Variants in SLC39A11 observed in about 807,000 individuals in gnomAD.
SLC39A11 encodes solute carrier family 39 member 11, also known as zinc transporter ZIP11.
SLC39A11 carries 33 observed loss-of-function variants against 36.1 expected under a neutral mutation model. That is an observed-to-expected ratio of 0.91 (90% CI 0.69 to 1.22). The LOEUF is 1.22. SLC39A11 is among the 50% of genes most tolerant of loss of function. The pLI is 0.00. For missense variants in SLC39A11, 432 were observed against 430.3 expected, an observed-to-expected ratio of 1.00 and a Z score of -0.03; for synonymous variants, 166 against 170.3, an observed-to-expected ratio of 0.97 and a Z score of 0.20.
chr17:72,869,569 T>C (rs1367939765), intron 5 of SLC39A11, among the ~76,000 whole-genome samples: 4 of 152,090 alleles, frequency 2.6e-5, no homozygotes, highest in African/African-American at 9.7e-5. Flanking sequence ...TTTGTATTTT[T>C]AGTAGAGACC....
At chr17:72,889,275 G>A (rs1459375000) in intron 5 of SLC39A11, among the ~76,000 whole-genome samples, 1 of 152,128 alleles carries the variant, frequency 6.6e-6, no homozygotes, top group Non-Finnish European at 1.5e-5. Context: ...AGCACTTTGG[G>A]AGGCCAAGGC....
At chr17:73,083,321 G>A (rs1050536676) in intron 3 of SLC39A11, among the ~76,000 whole-genome samples, 3 of 152,208 alleles carry the variant, frequency 2.0e-5, no homozygotes, top group Non-Finnish European at 4.4e-5. Context: ...CTGTGCACCT[G>A]TGTATGGCTC....
intron 3 of SLC39A11, among the ~76,000 whole-genome samples, chr17:73,075,883 T>C (rs1235348881): frequency 6.6e-6 from 1 of 152,138 alleles, no homozygotes; most frequent in African/African-American, 2.4e-5. Flanking sequence ...CACCATGTGA[T>C]ACTGAATTTA....
At chr17:72,852,381 G>A (rs2079396528) in intron 5 of SLC39A11, among the ~76,000 whole-genome samples, 1 of 151,944 alleles carries the variant, frequency 6.6e-6, no homozygotes, top group Non-Finnish European at 1.5e-5. Flanking sequence ...GTTCCATTAG[G>A]AAAAGGGGGG....
At chr17:72,692,194 G>A (rs759395021) in intron 7 of SLC39A11, among the ~76,000 whole-genome samples, 3 of 151,908 alleles carry the variant, frequency 2.0e-5, no homozygotes, top group Non-Finnish European at 2.9e-5. Flanking sequence ...TGTATTTTTA[G>A]TAGAGACAGG....
At chr17:72,890,209 G>T (rs1463590975) in intron 5 of SLC39A11, among the ~76,000 whole-genome samples, 1 of 151,590 alleles carries the variant, frequency 6.6e-6, no homozygotes, top group African/African-American at 2.4e-5. Context: ...AGGTTACAGT[G>T]AGCCGAGATA....
intron 7 of SLC39A11, among the ~76,000 whole-genome samples, chr17:72,707,371 T>C: frequency 6.6e-6 from 1 of 152,170 alleles, no homozygotes; most frequent in East Asian, 1.9e-4. Context: ...GCCACTGTAC[T>C]CTACCCTGGA....
intron 5 of SLC39A11, among the ~76,000 whole-genome samples, chr17:72,873,909 CT>C (rs2080769449): frequency 6.6e-6 from 1 of 152,202 alleles, no homozygotes; most frequent in African/African-American, 2.4e-5. Context: ...GTGATTCCTT[CT>C]CACAAGATCT....
intron 4 of SLC39A11, among the ~76,000 whole-genome samples, chr17:73,016,969 G>A (rs2058189483): frequency 6.6e-6 from 1 of 152,200 alleles, no homozygotes; most frequent in African/African-American, 2.4e-5. Context: ...CCTGTGGCCA[G>A]AATGCAGCAA....
At chr17:72,946,690 A>C (rs1263054577) in intron 5 of SLC39A11, among the ~76,000 whole-genome samples, 1 of 152,124 alleles carries the variant, frequency 6.6e-6, no homozygotes, top group East Asian at 1.9e-4. Context: ...GTCTTGCAGG[A>C]TTAAATGGGG....
At chr17:72,897,495 T>C (rs891848951) in intron 5 of SLC39A11, among the ~76,000 whole-genome samples, 3 of 152,282 alleles carry the variant, frequency 2.0e-5, no homozygotes, top group East Asian at 3.9e-4. Context: ...TGTTTGGGGC[T>C]TGAGATAAGT....
intron 5 of SLC39A11, among the ~76,000 whole-genome samples, chr17:72,937,442 G>C (rs1044452218): frequency 6.6e-6 from 1 of 150,484 alleles, no homozygotes; most frequent in South Asian, 2.2e-4. Flanking sequence ...GCAACAGAGA[G>C]AGAGAGTCCG....
rs142514464 is a variant in SLC39A11, at chr17:72,862,932, G to C, written c.431-13128C>G. On this transcript the variant is annotated intron_variant, in intron 5 of 9. Transcript: ENST00000255559. ...ATATTTTACAGTGGTTCTTGAGCTT[G>C]AGCATGCAAAAACAAAACACAAAAC... Among the ~76,000 whole-genome samples, 17 of 152,292 alleles carry C rather than the reference G, an allele frequency of 1.1e-4. No homozygotes were observed. The East Asian group carries it at 3.3e-3, about 29-fold the overall frequency.
At chr17:72,680,041 CAAAAAAAAAAA>C (rs199650969) in intron 7 of SLC39A11, among the ~76,000 whole-genome samples, 7 of 71,662 alleles carry the variant, frequency 9.8e-5, no homozygotes, top group African/African-American at 2.5e-4. Flanking sequence ...GACTCTGTCT[CAAAAAAAAAAA>C]AAAAAAAAAA....
intron 6 of SLC39A11, among the ~76,000 whole-genome samples, chr17:72,784,591 G>A (rs1449152267): frequency 6.6e-6 from 1 of 152,094 alleles, no homozygotes; most frequent in African/African-American, 2.4e-5. Flanking sequence ...CCTGGCGGGA[G>A]GTGTCTGGAT....
intron 5 of SLC39A11, among the ~76,000 whole-genome samples, chr17:72,866,585 A>C (rs1026690897): frequency 6.6e-6 from 1 of 152,176 alleles, no homozygotes; most frequent in Non-Finnish European, 1.5e-5. Context: ...ACACACAATC[A>C]CATCATACTG....
chr17:72,905,578 C>G (rs111525883), intron 5 of SLC39A11, among the ~76,000 whole-genome samples: 1 of 151,102 alleles, frequency 6.6e-6, no homozygotes, highest in African/African-American at 2.4e-5. Context: ...GCCTGGGTGA[C>G]AGAGCAAGAC....
intron 7 of SLC39A11, among the ~76,000 whole-genome samples, chr17:72,683,982 C>A (rs2071625721): frequency 6.6e-6 from 1 of 152,154 alleles, no homozygotes. Flanking sequence ...AGTGGAGGGG[C>A]TCTTTAAGTC....
At chr17:73,004,219 G>GAAAGAAAGA (rs1555674189) in intron 4 of SLC39A11, among the ~76,000 whole-genome samples, 23 of 79,310 alleles carry the variant, frequency 2.9e-4, no homozygotes, top group African/African-American at 1.7e-3. Context: ...AAGAAAGAAA[G>GAAAGAAAGA]AAAGAAAGAA....
Sources: gnomAD v4.1 joint callset for allele counts (sites outside exome capture counted in the v4.1 genomes callset) on GRCh38, gnomAD v4.1.1 for gene constraint, MANE v1.5 for transcripts, NCBI Gene and HGNC (gene_info 2026-07-23, HGNC 2026-07-21) for gene names.